COG4: variants seen among roughly 807,000 people sequenced by gnomAD.
The protein encoded by COG4 is component of oligomeric golgi complex 4.
A neutral mutation model predicts 95.1 loss-of-function variants in COG4; 65 were observed. The ratio of observed to expected loss-of-function variants is 0.68; its 90% confidence interval spans 0.56 to 0.84. COG4 has a LOEUF of 0.84. Ranked by LOEUF, COG4 falls within the 40% of genes least tolerant of loss-of-function variation. COG4 has a pLI of 0.00. For missense variants in COG4, 1,045 were observed against 989.1 expected (o/e 1.06, Z -0.76); for synonymous variants, 421 against 374.8 (o/e 1.12, Z -1.42).
chr16:70,518,038 C>G (rs1216183956), intron 2 of COG4, among the ~76,000 whole-genome samples: 6 of 151,966 alleles, frequency 3.9e-5, no homozygotes, highest in Non-Finnish European at 8.8e-5. Flanking sequence ...TCAAGCGATT[C>G]TCCTGCCTCA....
At chr16:70,491,654 C>G (rs2049245656) in intron 12 of COG4, among the ~76,000 whole-genome samples, 1 of 149,374 alleles carries the variant, frequency 6.7e-6, no homozygotes, top group African/African-American at 2.5e-5. Context: ...GAAACCCCGT[C>G]TCTACTAAAA....
rs749364912 is a variant in COG4, at chr16:70,508,403, T to A, written c.1061+3A>T. On this transcript the variant is annotated splice_donor_region_variant and intron_variant, in intron 8 of 18. Coordinates refer to ENST00000323786, the MANE Select transcript of COG4 (RefSeq NM_015386.3). Reference sequence around the variant, plus strand: ...GGGCTGAAGAAGAGAGAAGGATTATTACCTTGGTTCGATTTTTTCTGTTGT... The same window carrying A: ...GGGCTGAAGAAGAGAGAAGGATTATAACCTTGGTTCGATTTTTTCTGTTGT... 1.2e-6 allele frequency: 2 copies of A among 1,610,366 alleles called. No homozygotes were observed. The highest frequency in any genetic ancestry group is 1.7e-6 in the Non-Finnish European group (2 of 1,176,734).
intron 3 of COG4, among the ~76,000 whole-genome samples, chr16:70,516,496 C>T (rs764232451): frequency 3.9e-5 from 6 of 152,046 alleles, no homozygotes; most frequent in Non-Finnish European, 7.4e-5. Context: ...TGGGGTTTCA[C>T]GGTGTTAGCC....
chr16:70,484,431 C>G (rs998690438), intron 13 of COG4, among the ~76,000 whole-genome samples: 1 of 152,174 alleles, frequency 6.6e-6, no homozygotes, highest in Non-Finnish European at 1.5e-5. Context: ...TCCTTTCCCC[C>G]CCTTTTATAT....
chr16:70,487,339 G>A (rs2049159493), intron 13 of COG4, among the ~76,000 whole-genome samples: 2 of 151,738 alleles, frequency 1.3e-5, no homozygotes, highest in Non-Finnish European at 2.9e-5. Context: ...GTTCATGCCT[G>A]TAATCCCAGC....
At chr16:70,482,204 A>G (rs776035508) in intron 15 of COG4, 29 bp from the exon 16 acceptor site, 7 of 1,438,216 alleles carry the variant, frequency 4.9e-6, no homozygotes, top group Non-Finnish European at 5.9e-6. Flanking sequence ...GCTGGTCACC[A>G]TGGGCCTCAT....
chr16:70,497,788 C>T (rs2049370969), intron 10 of COG4, 149 bp downstream of exon 10: 1 of 760,212 alleles, frequency 1.3e-6, no homozygotes, highest in Non-Finnish European at 2.4e-6. Context: ...CAAAGATGCT[C>T]TCTAAACATA....
chr16:70,521,219 T>C (rs886398170), intron 1 of COG4, among the ~76,000 whole-genome samples: 13 of 151,762 alleles, frequency 8.6e-5, no homozygotes, highest in Admixed American at 5.3e-4. Flanking sequence ...CAGGCAGCTA[T>C]ACTTTTTTTT....
rs11420226 is a variant in COG4, at chr16:70,512,030, T to TA, written c.738+208_738+209insT. Among the ~76,000 whole-genome samples the TA allele has an allele frequency of 0.12, 18,288 of 152,206 alleles. 3,632 individuals carry two copies. Among genetic ancestry groups the TA allele is most frequent in the African/African-American group, 0.41 (17,110 of 41,470 alleles). On this transcript the variant is annotated intron_variant, in intron 5 of 18. Coordinates refer to ENST00000323786, the MANE Select transcript of COG4 (RefSeq NM_015386.3). ...TTGGAAATGAATGTGCACTGGCAGA[T>TA]GTCTTGGCCATGCCTGGTACACAGT...
At chr16:70,505,723 G>A (rs1280161188) in intron 8 of COG4, among the ~76,000 whole-genome samples, 1 of 151,838 alleles carries the variant, frequency 6.6e-6, no homozygotes, top group African/African-American at 2.4e-5. Context: ...CAGCTACTCA[G>A]GAGGCTGAGG....
At chr16:70,512,144 G>T (rs1385522251) in intron 5 of COG4, 95 bp downstream of exon 5, 1 of 1,171,042 alleles carries the variant, frequency 8.5e-7, no homozygotes, top group Non-Finnish European at 1.3e-6. Flanking sequence ...ATATCCAGAA[G>T]AGAGAAAGTA....
intron 8 of COG4, among the ~76,000 whole-genome samples, chr16:70,505,809 A>G (rs1364586528): frequency 1.3e-5 from 2 of 151,806 alleles, no homozygotes; most frequent in African/African-American, 4.8e-5. Flanking sequence ...AGCCTGGGCG[A>G]AAGAGTGAGA....
chr16:70,520,755 T>A (rs2049925149), intron 1 of COG4, among the ~76,000 whole-genome samples: 1 of 152,116 alleles, frequency 6.6e-6, no homozygotes, highest in Admixed American at 6.6e-5. Context: ...TAGCCAGGGG[T>A]TATAAATATA....
chr16:70,512,438 C>T lies in COG4; in HGVS notation c.545-6G>A. 3 of 1,611,044 alleles carry T rather than the reference C, an allele frequency of 1.9e-6. No individual in the cohort carries two copies. Among genetic ancestry groups the T allele is most frequent in the Non-Finnish European group, 2.5e-6 (3 of 1,177,702 alleles). On this transcript the variant is annotated splice_polypyrimidine_tract_variant and splice_region_variant and intron_variant, in intron 4 of 18. Transcript: ENST00000323786. ...GTTGGCATCAATCATGCTCCCTGCT[C>T]AACAGGGAGAAAATGAAAATTCAAG...
At chr16:70,522,170 T>C (rs1480770697) in intron 1 of COG4, among the ~76,000 whole-genome samples, 1 of 152,058 alleles carries the variant, frequency 6.6e-6, no homozygotes, top group African/African-American at 2.4e-5. Flanking sequence ...GCTAGTTTTG[T>C]ATTTTTAGTA....
At chr16:70,497,169 A>G (rs2049356223) in intron 11 of COG4, 52 bp downstream of exon 11, 2 of 1,565,608 alleles carry the variant, frequency 1.3e-6, no homozygotes, top group African/African-American at 2.7e-5. Flanking sequence ...GGCCTCAGGA[A>G]TCAACAGGAA....
At chr16:70,491,067 T>C (rs1429410132) in intron 12 of COG4, among the ~76,000 whole-genome samples, 2 of 152,180 alleles carry the variant, frequency 1.3e-5, no homozygotes, top group Admixed American at 6.5e-5. Context: ...AGGTCAGTGA[T>C]ACAAAGCCTG....
intron 7 of COG4, chr16:70,508,888 G>A (rs973176353): frequency 3.7e-6 from 2 of 536,370 alleles, no homozygotes; most frequent in Admixed American, 2.3e-5. Flanking sequence ...ACAATTACTT[G>A]GACACTTAAT....
chr16:70,518,342 A>T (rs2049867483), intron 2 of COG4, among the ~76,000 whole-genome samples: 1 of 152,128 alleles, frequency 6.6e-6, no homozygotes, highest in Admixed American at 6.6e-5. Flanking sequence ...ATGTGAGAGG[A>T]TGGTGAGATC....
Sources: gnomAD v4.1 joint callset for allele counts (sites outside exome capture counted in the v4.1 genomes callset) on GRCh38, gnomAD v4.1.1 for gene constraint, MANE v1.5 for transcripts, NCBI Gene and HGNC (gene_info 2026-07-23, HGNC 2026-07-21) for gene names.